Variants in UNC80 observed in about 807,000 individuals in gnomAD.
UNC80 encodes protein unc-80 homolog.
Under a neutral mutation model 384.6 loss-of-function variants are expected in UNC80, and 164 were observed. The observed-to-expected ratio is 0.43, with a 90% CI of 0.38 to 0.49. The LOEUF is 0.49. Ranked by LOEUF, UNC80 falls within the 20% of genes least tolerant of loss-of-function variation. The pLI is 0.00. For synonymous variants in UNC80, 1,486 were observed against 1,527.8 expected (o/e 0.97, Z 0.64); for missense variants, 3,330 against 4,143.0 (o/e 0.80, Z 5.39).
Position 209,888,004 on chromosome 2 carries a change from T to G in UNC80, c.4111-91T>G, listed in dbSNP as rs1170493338. 1.4e-5 allele frequency: 18 copies of G among 1,247,040 alleles called. No homozygotes were observed. In the Admixed American group the frequency reaches 3.3e-4, roughly 23 times the overall value. 77.2% of individuals were successfully genotyped at this position (1,247,040 alleles called of 1,614,324 possible). On this transcript the variant is annotated intron_variant, in intron 25 of 64. Coordinates refer to ENST00000673920, the MANE Select transcript of UNC80 (RefSeq NM_001371986.1). ...GAATCTGGCTGTTTAAACGCAGTTG[T>G]GTATAATTCAAAATGGTGGGAGGCT...
intron 51 of UNC80, among the ~76,000 whole-genome samples, chr2:209,962,118 G>C (rs1321927730): frequency 6.6e-6 from 1 of 152,142 alleles, no homozygotes; most frequent in Non-Finnish European, 1.5e-5. Flanking sequence ...GAAAGGGGGC[G>C]TTGTTATGAC....
intron 2 of UNC80, 145 bp downstream of exon 2, chr2:209,773,287 C>G (rs1268570493): frequency 1.1e-5 from 8 of 729,628 alleles, no homozygotes; most frequent in African/African-American, 1.8e-5. Flanking sequence ...AGGCACAATT[C>G]TCTGTGCTGG....
chr2:209,860,247 T>C (rs1227962604), intron 22 of UNC80, among the ~76,000 whole-genome samples: 3 of 152,234 alleles, frequency 2.0e-5, no homozygotes, highest in East Asian at 1.9e-4. Context: ...TCTCTGCATA[T>C]GGCTAGCCAG....
chr2:209,922,503 G>T (rs2090115566), intron 35 of UNC80, 120 bp downstream of exon 35: 1 of 1,226,038 alleles, frequency 8.2e-7, no homozygotes, highest in Admixed American at 3.1e-5. Context: ...CTCATGACTT[G>T]ACATTCTAAA....
intron 29 of UNC80, among the ~76,000 whole-genome samples, chr2:209,905,468 G>A (rs1181057901): frequency 6.6e-6 from 1 of 152,120 alleles, no homozygotes; most frequent in Non-Finnish European, 1.5e-5. Context: ...ATGATGCGGG[G>A]CCATGAGCCA....
intron 11 of UNC80, among the ~76,000 whole-genome samples, chr2:209,818,661 A>G (rs1380473596): frequency 6.6e-6 from 1 of 152,246 alleles, no homozygotes; most frequent in African/African-American, 2.4e-5. Flanking sequence ...AGTTTATATC[A>G]GTATGATCTA....
intron 23 of UNC80, among the ~76,000 whole-genome samples, chr2:209,875,429 A>G (rs572598155): frequency 2.0e-5 from 3 of 152,286 alleles, no homozygotes; most frequent in South Asian, 4.1e-4. Flanking sequence ...CTCCTAATGT[A>G]TGTTCAATAA....
chr2:209,967,592 G>T lies in UNC80; in HGVS notation c.7961G>T (p.Arg2654Ile). ...VRPALILILKRLDRMFNKIHK... is the reference protein window; with the variant it reads ...VRPALILILKILDRMFNKIHK... ...CCGGCCCTCATCCTCATTTTAAAAA[G>T]ATTGGATAGAATGTTCAACAAAATT... Residue 2654 changes from arginine to isoleucine, a missense_variant, in exon 52 of 65, where the codon AGA (arginine) becomes ATA (isoleucine). Around this residue, in one of 8 missense-constraint regions of UNC80, gnomAD observed 1,049 missense variants for 1,488.6 expected, o/e 0.70. Transcript: ENST00000673920. 6.4e-7 allele frequency: 1 copy of T among 1,551,576 alleles called. No individual in the cohort carries two copies. Among genetic ancestry groups the T allele is most frequent in the Non-Finnish European group, 8.7e-7 (1 of 1,146,940 alleles).
At chr2:209,934,532 T>G (rs1302647837) in intron 39 of UNC80, among the ~76,000 whole-genome samples, 1 of 152,192 alleles carries the variant, frequency 6.6e-6, no homozygotes, top group African/African-American at 2.4e-5. Context: ...TTTGGACAAT[T>G]CTTTATCCTT....
chr2:209,892,325 A>C (rs1200250098), intron 26 of UNC80, among the ~76,000 whole-genome samples: 1 of 152,158 alleles, frequency 6.6e-6, no homozygotes, highest in African/African-American at 2.4e-5. Flanking sequence ...TCCAATTTAG[A>C]TGGATTTGTT....
intron 29 of UNC80, among the ~76,000 whole-genome samples, chr2:209,907,727 GA>G (rs2088424455): frequency 6.6e-6 from 1 of 152,186 alleles, no homozygotes; most frequent in Admixed American, 6.5e-5. Flanking sequence ...TAAGCTTTTT[GA>G]GAACTGAGGA....
intron 59 of UNC80, among the ~76,000 whole-genome samples, chr2:209,980,165 G>GA (rs1181778846): frequency 6.6e-6 from 1 of 152,112 alleles, no homozygotes. Flanking sequence ...CCATGAAAGA[G>GA]AAAAGGATCA....
At chr2:209,780,339 T>A (rs1006218320) in intron 4 of UNC80, among the ~76,000 whole-genome samples, 3 of 152,224 alleles carry the variant, frequency 2.0e-5, no homozygotes, top group African/African-American at 7.2e-5. Flanking sequence ...TCATTTTTAT[T>A]ATATTATCAT....
chr2:209,903,144 C>T (rs1180309143), intron 28 of UNC80, among the ~76,000 whole-genome samples: 1 of 151,186 alleles, frequency 6.6e-6, no homozygotes, highest in Non-Finnish European at 1.5e-5. Context: ...AGTTATTATA[C>T]TGTATTGATA....
intron 22 of UNC80, among the ~76,000 whole-genome samples, chr2:209,868,313 A>T (rs1455572537): frequency 6.6e-6 from 1 of 152,182 alleles, no homozygotes; most frequent in Admixed American, 6.5e-5. Context: ...AAAATATGTA[A>T]TTCCCTAGGG....
At chr2:209,818,723 G>A (rs2079921623) in intron 11 of UNC80, among the ~76,000 whole-genome samples, 1 of 152,176 alleles carries the variant, frequency 6.6e-6, no homozygotes, top group South Asian at 2.1e-4. Context: ...AACTAAGTCA[G>A]TGTTAGACAG....
chr2:209,955,758 CAGAG>C (rs1325179744), intron 48 of UNC80, among the ~76,000 whole-genome samples: 3 of 119,130 alleles, frequency 2.5e-5, no homozygotes, highest in Non-Finnish European at 5.5e-5. Context: ...CACACACACA[CAGAG>C]AGAGACTGAC....
At chr2:209,845,293 G>A (rs1253407516) in intron 21 of UNC80, 1 of 152,058 alleles carries the variant, frequency 6.6e-6, no homozygotes, top group Non-Finnish European at 1.5e-5. Flanking sequence ...CATTGTAGCT[G>A]ACCTGATTAT....
Position 209,789,977 on chromosome 2 carries a change from G to A in UNC80, c.798+372G>A, listed in dbSNP as rs558728641. On this transcript the variant is annotated intron_variant, in intron 6 of 64. Coordinates refer to ENST00000673920, the MANE Select transcript of UNC80 (RefSeq NM_001371986.1). ...TCAATTATTGCATCCCCTAATGCTT[G>A]TTAAGTAACTCTAATGTAGGTAGAA... is the stretch of plus-strand genomic sequence containing the variant. Among the ~76,000 whole-genome samples, 9 of 152,012 alleles carry A rather than the reference G, an allele frequency of 5.9e-5. No homozygotes were observed. In the South Asian group the frequency reaches 8.3e-4, roughly 14 times the overall value.
Sources: gnomAD v4.1 joint callset for allele counts (sites outside exome capture counted in the v4.1 genomes callset) on GRCh38, gnomAD v4.1.1 for gene constraint, gnomAD v4.1.1 regional missense constraint, MANE v1.5 for transcripts, NCBI Gene and HGNC (gene_info 2026-07-23, HGNC 2026-07-21) for gene names.